Variants in MYO1D observed in about 807,000 individuals in gnomAD.
The protein encoded by MYO1D is myosin ID, also known as unconventional myosin-Id.
MYO1D carries 83 observed loss-of-function variants against 122.0 expected under a neutral mutation model. The observed-to-expected ratio is 0.68, with a 90% confidence interval of 0.57 to 0.82. The LOEUF (loss-of-function observed/expected upper bound fraction) is 0.82, where lower values mean the gene tolerates loss of function less well. MYO1D is among the 40% of genes least tolerant of loss of function. MYO1D has a pLI of 0.00. For synonymous variants in MYO1D, 464 were observed against 446.9 expected (o/e 1.04, Z -0.48); for missense variants, 1,157 against 1,269.5 (o/e 0.91, Z 1.35).
chr17:32,567,233 C>A (rs1057165341), intron 21 of MYO1D, among the ~76,000 whole-genome samples: 49 of 152,286 alleles, frequency 3.2e-4, no homozygotes, highest in Admixed American at 2.9e-3. Context: ...CCTTGTTTAT[C>A]CTGTTCATGG....
intron 1 of MYO1D, among the ~76,000 whole-genome samples, chr17:32,813,323 A>G (rs2090587915): frequency 1.3e-5 from 2 of 152,248 alleles, no homozygotes; most frequent in South Asian, 4.1e-4. Flanking sequence ...GATGCAGACA[A>G]GTAAAAGGAA....
chr17:32,687,071 T>C (rs2089023918), intron 16 of MYO1D, among the ~76,000 whole-genome samples: 1 of 152,040 alleles, frequency 6.6e-6, no homozygotes, highest in Non-Finnish European at 1.5e-5. Flanking sequence ...CTGTCAAATG[T>C]ATTAACTTAT....
At chr17:32,834,251 GAGGGA>G (rs2090800697) in intron 1 of MYO1D, among the ~76,000 whole-genome samples, 1 of 152,168 alleles carries the variant, frequency 6.6e-6, no homozygotes, top group African/African-American at 2.4e-5. Context: ...AACACTTTGG[GAGGGA>G]TAACAAATTG....
intron 1 of MYO1D, among the ~76,000 whole-genome samples, chr17:32,874,249 CTTTT>C (rs890519807): frequency 6.8e-6 from 1 of 146,550 alleles, no homozygotes; most frequent in African/African-American, 2.7e-5. Flanking sequence ...CTTTTCCTTT[CTTTT>C]TTTCTTTTCT....
chr17:32,688,111 T>G (rs1205309565), intron 16 of MYO1D, among the ~76,000 whole-genome samples: 1 of 152,206 alleles, frequency 6.6e-6, no homozygotes, highest in Non-Finnish European at 1.5e-5. Flanking sequence ...ATAGCATAGC[T>G]TGGGAGGAAC....
At chr17:32,693,624 A>G (rs917908100) in intron 16 of MYO1D, among the ~76,000 whole-genome samples, 4 of 152,204 alleles carry the variant, frequency 2.6e-5, no homozygotes, top group African/African-American at 9.7e-5. Flanking sequence ...ATTCACACTG[A>G]TGCGCCAAAT....
At chr17:32,655,744 G>A (rs2088467891) in intron 17 of MYO1D, among the ~76,000 whole-genome samples, 1 of 152,168 alleles carries the variant, frequency 6.6e-6, no homozygotes, top group South Asian at 2.1e-4. Flanking sequence ...GCCATCGGAA[G>A]GTTTGGAACA....
intron 10 of MYO1D, chr17:32,759,825 A>AT (rs1331744242): frequency 2.6e-6 from 1 of 383,204 alleles, no homozygotes; most frequent in East Asian, 4.0e-5. Context: ...AAAGTAAAAC[A>AT]AGTATTTTAA....
At chr17:32,695,761 A>T (rs2089163878) in intron 16 of MYO1D, among the ~76,000 whole-genome samples, 1 of 152,240 alleles carries the variant, frequency 6.6e-6, no homozygotes, top group Admixed American at 6.5e-5. Flanking sequence ...AAGCTTTCAT[A>T]CATTTCTTGG....
At chr17:32,496,630 C>T (rs1490160189) in intron 21 of MYO1D, among the ~76,000 whole-genome samples, 1 of 152,132 alleles carries the variant, frequency 6.6e-6, no homozygotes, top group African/African-American at 2.4e-5. Flanking sequence ...CAGGCTGGTC[C>T]CTGAGCTGGG....
intron 7 of MYO1D, among the ~76,000 whole-genome samples, chr17:32,765,587 G>T (rs8078114): frequency 0.69 from 104,119 of 151,828 alleles, 35,951 homozygotes; most frequent in Middle Eastern, 0.78. Flanking sequence ...GCCTCCTGAA[G>T]AGCTGGGACT....
intron 19 of MYO1D, among the ~76,000 whole-genome samples, chr17:32,650,833 T>G (rs1597971995): frequency 1.3e-5 from 2 of 152,222 alleles, no homozygotes; most frequent in East Asian, 3.8e-4. Flanking sequence ...ATAATTATTT[T>G]AATGACCTTG....
intron 1 of MYO1D, among the ~76,000 whole-genome samples, chr17:32,838,461 G>A (rs1437096264): frequency 6.6e-6 from 1 of 152,034 alleles, no homozygotes; most frequent in Non-Finnish European, 1.5e-5. Context: ...TAGATTGTAG[G>A]GATAAAACAG....
intron 21 of MYO1D, among the ~76,000 whole-genome samples, chr17:32,596,615 T>TA (rs765029073): frequency 4.6e-5 from 7 of 152,328 alleles, no homozygotes; most frequent in Admixed American, 1.3e-4. Context: ...TTAAATCCAG[T>TA]AACAGTGCTC....
chr17:32,688,962 T>C (rs1946070375), intron 16 of MYO1D, among the ~76,000 whole-genome samples: 1 of 152,038 alleles, frequency 6.6e-6, no homozygotes, highest in Non-Finnish European at 1.5e-5. Flanking sequence ...TGTGTATGTG[T>C]CTGTGTGTGC....
At chr17:32,592,490 T>A (rs1462912838) in intron 21 of MYO1D, among the ~76,000 whole-genome samples, 1 of 152,254 alleles carries the variant, frequency 6.6e-6, no homozygotes, top group Non-Finnish European at 1.5e-5. Context: ...AATTCTTCTA[T>A]GATTTCAGTT....
chr17:32,563,245 T>C (rs1428263175), intron 21 of MYO1D, among the ~76,000 whole-genome samples: 2 of 146,992 alleles, frequency 1.4e-5, no homozygotes, highest in African/African-American at 5.1e-5. Flanking sequence ...AGTCTTGCTC[T>C]GTTGCCCAGG....
At chr17:32,611,155 T>A (rs945871795) in intron 20 of MYO1D, among the ~76,000 whole-genome samples, 1 of 152,136 alleles carries the variant, frequency 6.6e-6, no homozygotes, top group Admixed American at 6.6e-5. Flanking sequence ...AGATGTCCTC[T>A]CCTCCTCTGC....
chr17:32,580,351 A>C (rs1597909313), intron 21 of MYO1D, among the ~76,000 whole-genome samples: 1 of 66,074 alleles, frequency 1.5e-5, no homozygotes, highest in Non-Finnish European at 2.8e-5. Context: ...CGGATTTTAA[A>C]TGCTTTTTCT....
Sources: allele counts gnomAD v4.1 joint callset (sites outside exome capture counted in the v4.1 genomes callset), GRCh38; gene constraint gnomAD v4.1.1; transcripts MANE v1.5; gene names NCBI Gene and HGNC (gene_info 2026-07-23, HGNC 2026-07-21).